Variants in GAPDHS observed in about 807,000 individuals in gnomAD.
GAPDHS encodes glyceraldehyde-3-phosphate dehydrogenase, spermatogenic.
Under a neutral mutation model 48.7 loss-of-function variants are expected in GAPDHS, and 42 were observed. That is an observed-to-expected ratio of 0.86 (90% CI 0.67 to 1.12). The LOEUF (loss-of-function observed/expected upper bound fraction) is 1.12, where lower values mean the gene tolerates loss of function less well. Among genes scored for constraint, GAPDHS ranks in the 50% most tolerant of loss-of-function variants. GAPDHS has a pLI of 0.00. For synonymous variants in GAPDHS, 166 were observed against 219.1 expected (o/e 0.76, Z 2.14); for missense variants, 512 against 557.7 (o/e 0.92, Z 0.82).
rs2146291228 is a variant in GAPDHS, at chr19:35,533,801, G to A, written c.67+207G>A. Among the ~76,000 whole-genome samples the A allele has an allele frequency of 1.3e-5, 2 of 152,302 alleles. 1 individual carries two copies. Among genetic ancestry groups the A allele is most frequent in the Non-Finnish European group, 2.9e-5 (2 of 68,032 alleles). On this transcript the variant is annotated intron_variant, in intron 1 of 10. Transcript: ENST00000222286. ...GCCATGGCGGGGAGACCGGGCCTCC[G>A]CCCCCAGGGCTGGGTGGGCTTCGCG...
At chr19:35,542,279 A>G in intron 4 of GAPDHS, 40 bp from the exon 5 acceptor site, 1 of 1,373,216 alleles carries the variant, frequency 7.3e-7, no homozygotes, top group South Asian at 1.2e-5. Flanking sequence ...GGTGGGGCTC[A>G]AGCAGGGGAG....
chr19:35,533,713 C>A, intron 1 of GAPDHS, 119 bp downstream of exon 1: 1 of 698,204 alleles, frequency 1.4e-6, no homozygotes, highest in Non-Finnish European at 2.3e-6. Flanking sequence ...ATCTAGGGAC[C>A]AGGGGATCAG....
intron 2 of GAPDHS, 73 bp downstream of exon 2, chr19:35,537,063 C>G: frequency 7.9e-7 from 1 of 1,261,258 alleles, no homozygotes; most frequent in Non-Finnish European, 1.1e-6. Context: ...TAACTGGGGG[C>G]ACCTCCACAT....
At chr19:35,542,707 T>A in intron 6 of GAPDHS, 99 bp downstream of exon 6, 1 of 899,260 alleles carries the variant, frequency 1.1e-6, no homozygotes, top group Non-Finnish European at 1.8e-6. Context: ...TGGCTTCTGC[T>A]TCTCCTTCCC....
chr19:35,542,853 C>A, intron 6 of GAPDHS, 92 bp from the exon 7 acceptor site: 1 of 965,038 alleles, frequency 1.0e-6, no homozygotes, highest in South Asian at 1.3e-5. Context: ...TTCATAAAAC[C>A]AAGTCTGCGT....
intron 9 of GAPDHS, chr19:35,544,568 T>G: frequency 3.1e-6 from 1 of 317,820 alleles, no homozygotes; most frequent in Non-Finnish European, 6.0e-6. Context: ...CCCCAGCCGG[T>G]CAGATCTTTC....
Position 35,533,609 on chromosome 19 carries a change from G to A in GAPDHS, c.67+15G>A, listed in dbSNP as rs113405664. 29 of 1,601,912 alleles carry A rather than the reference G, an allele frequency of 1.8e-5. 1 individual carries two copies. The African/African-American group carries it at 2.0e-4, about 11-fold the overall frequency. ...GCCGTGCCCGGGTGAGGGAGGCAGC[G>A]GAGGGCGCGGGGGAGGGGTGGAAAG... On this transcript the variant is annotated intron_variant, in intron 1 of 10. Coordinates refer to ENST00000222286, the MANE Select transcript of GAPDHS (RefSeq NM_014364.5).
Position 35,536,992 on chromosome 19 carries a change from T to C in GAPDHS, c.245+2T>C. On this transcript the variant is annotated splice_donor_variant, in intron 2 of 10. Transcript: ENST00000222286. LOFTEE classifies it high-confidence loss of function. ...GGAGCTGACTGTGGGCATCAATGGG[T>C]GAGTCTACTCCAGCCCCTGATCAGT... 1 of 1,612,316 alleles carries C rather than the reference T, an allele frequency of 6.2e-7. No individual in the cohort carries two copies. Among genetic ancestry groups the C allele is most frequent in the African/African-American group, 1.3e-5 (1 of 74,966 alleles).
intron 4 of GAPDHS, chr19:35,541,592 G>A (rs1221975166): frequency 6.6e-6 from 1 of 150,846 alleles, no homozygotes; most frequent in African/African-American, 2.4e-5. Flanking sequence ...AACCTGGGAA[G>A]GAAGAAAGTG....
At position 35,542,948 on chromosome 19, in the gene GAPDHS, C is replaced by T. The variant is rs760003947; in HGVS notation, c.663C>T (p.Asn221=). The T allele has an allele frequency of 1.7e-5, 27 of 1,613,430 alleles. No individual in the cohort carries two copies. The South Asian group carries it at 1.8e-4, about 10-fold the overall frequency. Residue 221 remains asparagine, a synonymous_variant, in exon 7 of 11, where the codon AAC becomes AAT. Coordinates refer to ENST00000222286, the MANE Select transcript of GAPDHS (RefSeq NM_014364.5). ...YNPGSMNIVS[N]ASCTTNCLAP... ...GTGCACACCTTGGCTGTTTCAGCAA[C>T]GCGTCCTGCACCACCAACTGTTTGG...
At position 35,543,376 on chromosome 19, in the gene GAPDHS, G is replaced by A. The variant is rs1411248815; in HGVS notation, c.778G>A (p.Val260Met). ...TTCCTACACGGCCACCCAGAAGACAGTGGACGGGCCATCAAGGAAGGCCTG... is the reference window on the plus strand; with the variant it reads ...TTCCTACACGGCCACCCAGAAGACAATGGACGGGCCATCAAGGAAGGCCTG... ...VHSYTATQKT[V>M]DGPSRKAWRD... The change falls in exon 8 of 11, where the codon GTG becomes ATG. Residue 260 changes from valine (V) to methionine (M), a missense_variant. By Grantham distance (21) the Val-to-Met change is conservative. Transcript: ENST00000222286. The A allele has an allele frequency of 8.7e-6, 14 of 1,612,938 alleles. No homozygotes were observed. The highest frequency in any genetic ancestry group is 3.4e-5 in the Admixed American group (2 of 59,568).
rs2071518940 is a variant in GAPDHS at position 35,543,351 on chromosome 19, T to C, written c.753T>C (p.His251=). The C allele has an allele frequency of 6.2e-7, 1 of 1,612,558 alleles. No individual in the cohort carries two copies. The highest frequency in any genetic ancestry group is 1.1e-5 in the South Asian group (1 of 90,918). The change falls in exon 8 of 11, where the codon CAT becomes CAC. Residue 251 remains histidine (H), a synonymous_variant. Transcript: ENST00000222286. ...GIVEGLMTTV[H]SYTATQKTVD... ...TTCTCTTCCCCAAGACCACAGTCCATTCCTACACGGCCACCCAGAAGACAG... is the reference window on the plus strand; with the variant it reads ...TTCTCTTCCCCAAGACCACAGTCCACTCCTACACGGCCACCCAGAAGACAG...
intron 4 of GAPDHS, 92 bp downstream of exon 4, chr19:35,538,775 G>A (rs2071482516): frequency 2.4e-6 from 2 of 818,972 alleles, no homozygotes; most frequent in Non-Finnish European, 4.2e-6. Context: ...TCTCACATGG[G>A]GTGCTGAAAC....
At chr19:35,545,051 G>A (rs1267093924) in intron 10 of GAPDHS, 45 bp downstream of exon 10, 2 of 1,602,726 alleles carry the variant, frequency 1.2e-6, no homozygotes, top group Admixed American at 3.3e-5. Context: ...GGAACTAAGG[G>A]GTGGTCGGAA....
At chr19:35,539,640 C>T (rs1482856594) in intron 4 of GAPDHS, among the ~76,000 whole-genome samples, 1 of 152,046 alleles carries the variant, frequency 6.6e-6, no homozygotes, top group African/African-American at 2.4e-5. Flanking sequence ...CCCCAGCGCC[C>T]CTCCCCACAG....
intron 1 of GAPDHS, among the ~76,000 whole-genome samples, chr19:35,533,923 G>C (rs1179836384): frequency 1.3e-5 from 2 of 152,220 alleles, no homozygotes; most frequent in Non-Finnish European, 2.9e-5. Flanking sequence ...GGCTTAGGGA[G>C]AACCCAGGGG....
rs2071514547 is a variant in GAPDHS, at chr19:35,542,879, G to C, written c.660-66G>C. On this transcript the variant is annotated intron_variant, in intron 6 of 10. Coordinates refer to ENST00000222286, the MANE Select transcript of GAPDHS (RefSeq NM_014364.5). ...AAGTCTGCGTGCATACCCCAAGAGG[G>C]GTAAGGGTGGAGGGGTGGCTCTGCG... 2.5e-6 allele frequency: 3 copies of C among 1,193,336 alleles called. No homozygotes were observed. In the African/African-American group the frequency reaches 4.5e-5, roughly 18 times the overall value. 73.9% of individuals were successfully genotyped at this position (1,193,336 alleles called of 1,614,324 possible). A position where few individuals can be genotyped will look rare whatever the true frequency, so the allele number is the denominator to read the frequency against.
chr19:35,539,385 G>C (rs1014152344), intron 4 of GAPDHS, among the ~76,000 whole-genome samples: 5 of 152,194 alleles, frequency 3.3e-5, no homozygotes, highest in Admixed American at 3.3e-4. Context: ...ATCATGGCCT[G>C]AACCAGTGTT....
In GAPDHS at chr19:35,543,403, C is replaced by T. The variant is rs145487252; in HGVS notation, c.805C>T (p.Arg269Ter). The change falls in exon 8 of 11, where the codon CGA (arginine) becomes TGA (stop). Residue 269 changes from arginine to a stop codon, truncating the protein, a stop_gained. Coordinates refer to ENST00000222286, the MANE Select transcript of GAPDHS (RefSeq NM_014364.5). LOFTEE classifies it high-confidence loss of function. The stretch of plus-strand genomic sequence containing the variant: ...GGACGGGCCATCAAGGAAGGCCTGG[C>T]GAGATGGGCGGGGTGCCCACCAGAA... ...TVDGPSRKAW[R>*]DGRGAHQNII... 7.4e-6 allele frequency: 12 copies of T among 1,611,880 alleles called. No individual in the cohort carries two copies. The highest frequency in any genetic ancestry group is 9.3e-6 in the Non-Finnish European group (11 of 1,179,286).
Sources: allele counts gnomAD v4.1 joint callset (sites outside exome capture counted in the v4.1 genomes callset), GRCh38; gene constraint gnomAD v4.1.1; transcripts MANE v1.5; gene names NCBI Gene and HGNC (gene_info 2026-07-23, HGNC 2026-07-21).